PTPRU: variants seen among roughly 807,000 people sequenced by gnomAD.
The protein encoded by PTPRU is receptor-type tyrosine-protein phosphatase U.
Under a neutral mutation model 166.3 loss-of-function variants are expected in PTPRU, and 69 were observed. The observed-to-expected ratio is 0.41, with a 90% CI of 0.34 to 0.51. PTPRU has a LOEUF of 0.51. PTPRU is among the 20% of genes least tolerant of loss of function. PTPRU has a pLI of 0.09. For synonymous variants in PTPRU, 793 were observed against 814.0 expected, an observed-to-expected ratio of 0.97 and a Z score of 0.44; for missense variants, 1,657 against 2,013.7, an observed-to-expected ratio of 0.82 and a Z score of 3.39.
At chr1:29,261,336 C>G (rs1267631556) in intron 7 of PTPRU, among the ~76,000 whole-genome samples, 1 of 152,146 alleles carries the variant, frequency 6.6e-6, no homozygotes, top group Non-Finnish European at 1.5e-5. Context: ...CCATCAAATA[C>G]AAGTATATTA....
intron 8 of PTPRU, among the ~76,000 whole-genome samples, chr1:29,276,938 C>T (rs1011410464): frequency 2.0e-5 from 3 of 152,166 alleles, no homozygotes; most frequent in African/African-American, 4.8e-5. Flanking sequence ...CCTCTAAGTC[C>T]TGCTTTAGCT....
intron 11 of PTPRU, among the ~76,000 whole-genome samples, chr1:29,281,024 C>A (rs942956211): frequency 2.0e-5 from 3 of 152,246 alleles, no homozygotes; most frequent in African/African-American, 7.2e-5. Flanking sequence ...GTGCCTGTAC[C>A]TTTTCTAGAA....
intron 1 of PTPRU, among the ~76,000 whole-genome samples, chr1:29,244,844 G>A (rs978263313): frequency 2.0e-5 from 3 of 152,216 alleles, no homozygotes; most frequent in Non-Finnish European, 4.4e-5. Context: ...CACTGTGTAA[G>A]TGATCACTGT....
Position 29,315,382 on chromosome 1 carries a change from G to C in PTPRU, c.3238G>C (p.Gly1080Arg). The change falls in exon 23 of 30, where the codon GGC becomes CGC. Residue 1080 changes from glycine to arginine, a missense_variant. Gly to Arg is a moderately radical substitution (Grantham distance 125). This residue lies in a region of PTPRU where 1,190 missense variants were observed against 1,477.4 expected (regional missense o/e 0.81). Coordinates refer to ENST00000373779, the MANE Select transcript of PTPRU (RefSeq NM_133178.4). The surrounding 1 kb of genome is among the most constrained non-coding windows in gnomAD (Gnocchi z 4.5). ...CTGCTCTCTCTCCAGCGCGGGCACC[G>C]GCCGCACAGGTTGCTATATCGTCCT... Reference protein sequence around the residue: ...PIVIHCSAGTGRTGCYIVLDV... With the variant: ...PIVIHCSAGTRRTGCYIVLDV... The C allele has an allele frequency of 1.2e-6, 2 of 1,614,138 alleles. No homozygotes were observed. The highest frequency in any genetic ancestry group is 1.7e-6 in the Non-Finnish European group (2 of 1,180,042).
intron 8 of PTPRU, 100 bp from the exon 9 acceptor site, chr1:29,278,912 C>A: frequency 1.1e-6 from 1 of 875,040 alleles, no homozygotes; most frequent in Non-Finnish European, 1.8e-6. Context: ...GCTGAATAGT[C>A]CATGAGAACC....
Position 29,257,249 on chromosome 1 carries a change from T to C in PTPRU, c.206-1256T>C, listed in dbSNP as rs1382548747. 6.7e-6 allele frequency among the ~76,000 whole-genome samples: 1 copy of C among 148,222 alleles called. No homozygotes were observed. The highest frequency in any genetic ancestry group is 2.2e-4 in the South Asian group (1 of 4,612). ...GTAGCATGAGTGGGCCAAGAGGGAG[T>C]GTGTTGGGGGTTGAGAAGTGCCCCT... On this transcript the variant is annotated intron_variant, in intron 2 of 29. Coordinates refer to ENST00000373779, the MANE Select transcript of PTPRU (RefSeq NM_133178.4). The surrounding 1 kb of genome is among the most constrained non-coding windows in gnomAD (Gnocchi z 4.6).
At chr1:29,307,576 C>T (rs1183240014) in intron 18 of PTPRU, among the ~76,000 whole-genome samples, 1 of 152,210 alleles carries the variant, frequency 6.6e-6, no homozygotes, top group African/African-American at 2.4e-5. Context: ...GCTTAAGGGT[C>T]AAGATCTTGG....
rs753104978 is a variant in PTPRU, at chr1:29,279,932, A to G, written c.1766-107A>G. The G allele has an allele frequency of 9.2e-5, 112 of 1,213,028 alleles. No individual in the cohort carries two copies. Among genetic ancestry groups the G allele is most frequent in the Admixed American group, 2.4e-4 (11 of 46,648 alleles). 75.1% of individuals were successfully genotyped at this position (1,213,028 alleles called of 1,614,324 possible). A position where few individuals can be genotyped will look rare whatever the true frequency, so the allele number is the denominator to read the frequency against. On this transcript the variant is annotated intron_variant, in intron 10 of 29. Transcript: ENST00000373779. The surrounding 1 kb of genome is among the most constrained non-coding windows in gnomAD (Gnocchi z 5.2). The stretch of plus-strand genomic sequence containing the variant: ...TCATGTCAGCAGGAACAAAGAGGCT[A>G]AGGCTGAAGTAGGGGAGATCTGAGG...
intron 15 of PTPRU, among the ~76,000 whole-genome samples, chr1:29,297,269 G>A (rs1686932843): frequency 6.6e-6 from 1 of 151,862 alleles, no homozygotes; most frequent in Non-Finnish European, 1.5e-5. Context: ...TGGCCAGGCT[G>A]GTCTCGAACT....
In PTPRU at chr1:29,279,772, G is replaced by A; in HGVS notation, c.1765+115G>A. The stretch of plus-strand genomic sequence containing the variant: ...GGGGTAGTTACAGAGGGCCCCTGCT[G>A]AGATAAATATGCCATTTAGGAGTTA... On this transcript the variant is annotated intron_variant, in intron 10 of 29. Coordinates refer to ENST00000373779, the MANE Select transcript of PTPRU (RefSeq NM_133178.4). The surrounding 1 kb of genome is among the most constrained non-coding windows in gnomAD (Gnocchi z 5.2). 2 of 1,266,338 alleles carry A rather than the reference G, an allele frequency of 1.6e-6. No homozygotes were observed. Among genetic ancestry groups the A allele is most frequent in the East Asian group, 2.5e-5 (1 of 40,572 alleles). 78.4% of individuals were successfully genotyped at this position (1,266,338 alleles called of 1,614,324 possible).
chr1:29,314,506 T>A (rs1311141855), intron 22 of PTPRU, among the ~76,000 whole-genome samples: 1 of 152,224 alleles, frequency 6.6e-6, no homozygotes, highest in Non-Finnish European at 1.5e-5. Flanking sequence ...GATCTTGATG[T>A]GCCCCCAGTC....
At chr1:29,245,165 G>T (rs1250051716) in intron 1 of PTPRU, among the ~76,000 whole-genome samples, 1 of 152,214 alleles carries the variant, frequency 6.6e-6, no homozygotes, top group African/African-American at 2.4e-5. Flanking sequence ...TTTACCAGCA[G>T]AATTTGAATT....
intron 1 of PTPRU, among the ~76,000 whole-genome samples, chr1:29,247,522 T>G (rs1236345916): frequency 6.6e-6 from 1 of 152,254 alleles, no homozygotes; most frequent in Non-Finnish European, 1.5e-5. Flanking sequence ...ATCGTCACAC[T>G]GCTCGGGTTT....
chr1:29,306,400 A>T (rs1181383917), intron 18 of PTPRU, among the ~76,000 whole-genome samples: 3 of 152,244 alleles, frequency 2.0e-5, no homozygotes, highest in African/African-American at 7.2e-5. Flanking sequence ...CCAGGGATAC[A>T]GATGTGAACA....
rs1343028764 is a variant in PTPRU at position 29,284,868 on chromosome 1, G to A, written c.2317G>A (p.Gly773Arg). ...LGAIIVIIRK[G>R]KPVNMTKATV... is the part of the protein sequence containing the mutation. The stretch of plus-strand genomic sequence containing the variant: ...TGCCATCATTGTCATCATCCGCAAA[G>A]GGTGAGTGAGGCCGGTGCCCTGTCC... Residue 773 changes from glycine (G) to arginine (R), a missense_variant and splice_region_variant, in exon 14 of 30, where the codon GGG becomes AGG. Coordinates refer to ENST00000373779, the MANE Select transcript of PTPRU (RefSeq NM_133178.4). 6.2e-7 allele frequency: 1 copy of A among 1,608,758 alleles called. No individual in the cohort carries two copies. The highest frequency in any genetic ancestry group is 1.1e-5 in the South Asian group (1 of 90,498).
At position 29,280,329 on chromosome 1, in the gene PTPRU, T is replaced by C. The variant is rs1260692973; in HGVS notation, c.1868+188T>C. ...CAAGAAGCCTGCAGTCCCTCCCCTC[T>C]GAGGCCATGGGTCTCAGATGGTGAC... On this transcript the variant is annotated intron_variant, in intron 11 of 29. Transcript: ENST00000373779. This position sits in a 1 kb window ranked among gnomAD's most constrained non-coding sequence, Gnocchi z 4.2. 6.6e-6 allele frequency among the ~76,000 whole-genome samples: 1 copy of C among 152,202 alleles called. No homozygotes were observed. The highest frequency in any genetic ancestry group is 2.4e-5 in the African/African-American group (1 of 41,450).
At chr1:29,293,271 C>T (rs184147241) in intron 15 of PTPRU, among the ~76,000 whole-genome samples, 121 of 152,226 alleles carry the variant, frequency 7.9e-4, no homozygotes, top group African/African-American at 2.9e-3. Flanking sequence ...AGCCACCGCA[C>T]CTGGCCAGTT....
At chr1:29,284,593 C>T in intron 13 of PTPRU, 138 bp from the exon 14 acceptor site, 1 of 1,231,058 alleles carries the variant, frequency 8.1e-7, no homozygotes, top group Non-Finnish European at 1.2e-6. Context: ...GGTAGATTTG[C>T]TCAAAAGGCA....
rs567868891 is a variant in PTPRU at position 29,315,580 on chromosome 1, C to T, written c.3363+73C>T. On this transcript the variant is annotated intron_variant, in intron 23 of 29. Coordinates refer to ENST00000373779, the MANE Select transcript of PTPRU (RefSeq NM_133178.4). This position sits in a 1 kb window ranked among gnomAD's most constrained non-coding sequence, Gnocchi z 4.5. The stretch of plus-strand genomic sequence containing the variant: ...AGTTTCTCGTGAAGGATCCTGGAGC[C>T]GGCAGAGCATGCCCAAAGGGTGTCC... The T allele has an allele frequency of 2.3e-5, 36 of 1,593,942 alleles. No homozygotes were observed. The highest frequency in any genetic ancestry group is 1.7e-4 in the Middle Eastern group (1 of 6,000).
Sources: allele counts gnomAD v4.1 joint callset (sites outside exome capture counted in the v4.1 genomes callset), GRCh38; gene constraint gnomAD v4.1.1; regional missense constraint gnomAD v4.1.1; non-coding constraint Gnocchi (gnomAD v3.1); transcripts MANE v1.5; gene names NCBI Gene and HGNC (gene_info 2026-07-23, HGNC 2026-07-21).